The following RASAL2 variants were observed in gnomAD, a reference collection of about 807,000 sequenced individuals.
RASAL2 encodes ras GTPase-activating protein nGAP.
A neutral mutation model predicts 128.9 loss-of-function variants in RASAL2; 58 were observed. That is an observed-to-expected ratio of 0.45 (90% CI 0.36 to 0.56). RASAL2 has a LOEUF of 0.56. RASAL2 is among the 20% of genes least tolerant of loss of function. The probability of loss-of-function intolerance (pLI) is 0.00; values close to 1 mark genes in which losing one functional copy is unlikely to be tolerated. For missense variants in RASAL2, 1,360 were observed against 1,601.6 expected, an observed-to-expected ratio of 0.85 and a Z score of 2.57; for synonymous variants, 561 against 580.8, an observed-to-expected ratio of 0.97 and a Z score of 0.49.
intron 4 of RASAL2, among the ~76,000 whole-genome samples, chr1:178,402,310 G>A (rs984193404): frequency 2.0e-5 from 3 of 151,916 alleles, no homozygotes; most frequent in Non-Finnish European, 4.4e-5. Context: ...CCAGCTACTC[G>A]GGAGGATCAC....
At chr1:178,175,104 T>C (rs1436036556) in intron 1 of RASAL2, among the ~76,000 whole-genome samples, 1 of 152,166 alleles carries the variant, frequency 6.6e-6, no homozygotes, top group Non-Finnish European at 1.5e-5. Flanking sequence ...AACAAAATTA[T>C]CTTAACTATT....
At chr1:178,311,474 C>G (rs1310818025) in intron 3 of RASAL2, among the ~76,000 whole-genome samples, 2 of 152,036 alleles carry the variant, frequency 1.3e-5, no homozygotes, top group Non-Finnish European at 1.5e-5. Context: ...CTTCCCCATT[C>G]CACTGAACAA....
At chr1:178,144,685 G>A (rs1021530174) in intron 1 of RASAL2, among the ~76,000 whole-genome samples, 1 of 152,170 alleles carries the variant, frequency 6.6e-6, no homozygotes, top group African/African-American at 2.4e-5. Flanking sequence ...GTAAACCATT[G>A]TTTGTAAATG....
At chr1:178,224,214 G>T (rs1663711407) in intron 1 of RASAL2, among the ~76,000 whole-genome samples, 2 of 150,066 alleles carry the variant, frequency 1.3e-5, no homozygotes, top group South Asian at 4.2e-4. Context: ...GAGGTTAGGG[G>T]AAAACTAGAA....
chr1:178,102,525 A>G (rs983985180), intron 1 of RASAL2, among the ~76,000 whole-genome samples: 1 of 152,074 alleles, frequency 6.6e-6, no homozygotes, highest in Non-Finnish European at 1.5e-5. Context: ...CCTGGCTGAG[A>G]TAATTATTCT....
chr1:178,384,676 A>C (rs1360704742), intron 3 of RASAL2, among the ~76,000 whole-genome samples: 2 of 149,300 alleles, frequency 1.3e-5, no homozygotes, highest in Non-Finnish European at 3.0e-5. Context: ...AAAAAAAAAA[A>C]CACACACACA....
chr1:178,314,602 T>C (rs1306874064), intron 3 of RASAL2, among the ~76,000 whole-genome samples: 1 of 152,090 alleles, frequency 6.6e-6, no homozygotes, highest in Non-Finnish European at 1.5e-5. Flanking sequence ...TCCCCCAAAA[T>C]ATTGGGGAAA....
chr1:178,337,865 G>A (rs1291643924), intron 3 of RASAL2, among the ~76,000 whole-genome samples: 1 of 151,686 alleles, frequency 6.6e-6, no homozygotes, highest in East Asian at 1.9e-4. Context: ...CCGAGTAGCC[G>A]AGATTATAGG....
intron 1 of RASAL2, among the ~76,000 whole-genome samples, chr1:178,119,285 C>T (rs745319319): frequency 7.9e-5 from 12 of 152,198 alleles, no homozygotes; most frequent in Admixed American, 2.0e-4. Context: ...GGCCAGGGAT[C>T]TACCTTTAGA....
intron 3 of RASAL2, among the ~76,000 whole-genome samples, chr1:178,357,588 A>G (rs1161478887): frequency 6.6e-6 from 1 of 152,152 alleles, no homozygotes; most frequent in Non-Finnish European, 1.5e-5. Flanking sequence ...TTCCAAATGA[A>G]TGGTAGTATC....
intron 1 of RASAL2, among the ~76,000 whole-genome samples, chr1:178,201,897 A>AT (rs1263138080): frequency 6.6e-6 from 1 of 152,202 alleles, no homozygotes. Flanking sequence ...TTACAGACCC[A>AT]GAACCCCTTG....
At chr1:178,205,702 A>G (rs1663017915) in intron 1 of RASAL2, among the ~76,000 whole-genome samples, 1 of 151,988 alleles carries the variant, frequency 6.6e-6, no homozygotes, top group Non-Finnish European at 1.5e-5. Flanking sequence ...GCTTGCAGTG[A>G]GCTGAGATCG....
chr1:178,396,419 A>G (rs1673230885), intron 4 of RASAL2, among the ~76,000 whole-genome samples: 1 of 152,168 alleles, frequency 6.6e-6, no homozygotes, highest in Non-Finnish European at 1.5e-5. Context: ...AACACTTTGA[A>G]GGCCTAATGC....
chr1:178,465,954 T>C lies in RASAL2; in HGVS notation c.3422T>C (p.Leu1141Pro), dbSNP rs747894002. 6.4e-7 allele frequency: 1 copy of C among 1,555,054 alleles called. No homozygotes were observed. The highest frequency in any genetic ancestry group is 1.2e-5 in the South Asian group (1 of 84,246). ...EQEITKLKER[L>P]RVSSRRLEEY... Reference sequence around the variant, plus strand: ...GAAATTACTAAACTGAAGGAGCGCCTGAGAGTTTCCAGCCGGCGACTGGAG... The same window carrying C: ...GAAATTACTAAACTGAAGGAGCGCCCGAGAGTTTCCAGCCGGCGACTGGAG... Residue 1141 changes from leucine (L) to proline (P), a missense_variant, in exon 16 of 18, where the codon CTG becomes CCG. Physicochemically the swap from Leu to Pro is moderately conservative, Grantham distance 98. Coordinates refer to ENST00000367649, the MANE Select transcript of RASAL2 (RefSeq NM_170692.4).
intron 3 of RASAL2, among the ~76,000 whole-genome samples, chr1:178,354,727 A>G (rs917911314): frequency 1.3e-5 from 2 of 152,242 alleles, no homozygotes; most frequent in Admixed American, 1.3e-4. Context: ...ACAAAATGTA[A>G]TAACCTAGGA....
intron 3 of RASAL2, among the ~76,000 whole-genome samples, chr1:178,358,237 T>TAAAA (rs71567191): frequency 3.7e-4 from 13 of 34,762 alleles, no homozygotes; most frequent in African/African-American, 6.6e-4. Context: ...CTCTGTCTCC[T>TAAAA]AAAAAAAAAA....
chr1:178,403,149 ACGCCT>A (rs1673759436), intron 4 of RASAL2, among the ~76,000 whole-genome samples: 1 of 152,196 alleles, frequency 6.6e-6, no homozygotes, highest in Non-Finnish European at 1.5e-5. Context: ...AAATCAGTAT[ACGCCT>A]CATTAACAGG....
chr1:178,253,368 A>G (rs1180590936), intron 1 of RASAL2, among the ~76,000 whole-genome samples: 1 of 152,202 alleles, frequency 6.6e-6, no homozygotes, highest in African/African-American at 2.4e-5. Flanking sequence ...ACAATCGCAG[A>G]TACCAAGGGC....
chr1:178,415,850 G>C (rs560858337), intron 4 of RASAL2, among the ~76,000 whole-genome samples: 78 of 152,054 alleles, frequency 5.1e-4, no homozygotes, highest in African/African-American at 1.9e-3. Flanking sequence ...TGTAATATCT[G>C]CTCTGTCTGA....
Sources: gnomAD v4.1 joint callset for allele counts (sites outside exome capture counted in the v4.1 genomes callset) on GRCh38, gnomAD v4.1.1 for gene constraint, MANE v1.5 for transcripts, NCBI Gene and HGNC (gene_info 2026-07-23, HGNC 2026-07-21) for gene names.